NEURL1: variants seen among roughly 807,000 people sequenced by gnomAD.
The protein encoded by NEURL1 is neuralized E3 ubiquitin protein ligase 1.
Under a neutral mutation model 41.2 loss-of-function variants are expected in NEURL1, and 26 were observed. The observed-to-expected ratio is 0.63, with a 90% CI of 0.46 to 0.87. The LOEUF is 0.87. Ranked by LOEUF, NEURL1 falls within the 40% of genes least tolerant of loss-of-function variation. The pLI is 0.00. For missense variants in NEURL1, 761 were observed against 871.1 expected, an observed-to-expected ratio of 0.87 and a Z score of 1.59; for synonymous variants, 400 against 402.3, an observed-to-expected ratio of 0.99 and a Z score of 0.07.
chr10:103,510,823 T>C (rs2034052021), intron 1 of NEURL1, among the ~76,000 whole-genome samples: 1 of 152,192 alleles, frequency 6.6e-6, no homozygotes, highest in Admixed American at 6.5e-5. Context: ...TCCATTCCAT[T>C]TGTCCTGGGC....
intron 1 of NEURL1, among the ~76,000 whole-genome samples, chr10:103,519,232 G>A (rs978767565): frequency 9.2e-5 from 14 of 152,132 alleles, no homozygotes; most frequent in Admixed American, 7.9e-4. Flanking sequence ...AGGCAACAGA[G>A]CAAGACTCTG....
At chr10:103,496,254 C>T (rs2033682709) in intron 1 of NEURL1, among the ~76,000 whole-genome samples, 1 of 152,114 alleles carries the variant, frequency 6.6e-6, no homozygotes, top group African/African-American at 2.4e-5. Flanking sequence ...AGGTGGATAA[C>T]CTAAATGCTC....
chr10:103,555,926 G>A (rs2035144223), intron 1 of NEURL1, among the ~76,000 whole-genome samples: 1 of 151,856 alleles, frequency 6.6e-6, no homozygotes, highest in Non-Finnish European at 1.5e-5. Context: ...ACCCACATGT[G>A]TGCTGAGTGT....
chr10:103,510,853 T>A (rs1189147010), intron 1 of NEURL1, among the ~76,000 whole-genome samples: 2 of 152,170 alleles, frequency 1.3e-5, no homozygotes, highest in Non-Finnish European at 2.9e-5. Flanking sequence ...TGGGAAGCCC[T>A]CTTCCTTCCC....
rs1310275921 is a variant in NEURL1, at chr10:103,584,787, G to A, written c.901G>A (p.Ala301Thr). The change falls in exon 4 of 6, where the codon GCC (alanine) becomes ACC (threonine). Residue 301 changes from alanine to threonine, a missense_variant. Coordinates refer to ENST00000369780, the MANE Select transcript of NEURL1 (RefSeq NM_004210.5). ...CGACCTGCGTTTCCACGCCCTGCGC[G>A]CCGGCGCGCACGTCCGCATCCTCGA... ...DGDLRFHALRAGAHVRILDEQ... is the reference protein window; with the variant it reads ...DGDLRFHALRTGAHVRILDEQ... The A allele has an allele frequency of 1.4e-6, 2 of 1,436,938 alleles. No individual in the cohort carries two copies. The highest frequency in any genetic ancestry group is 1.4e-5 in the South Asian group (1 of 72,470). The allele number at this position is 1,436,938 out of a possible 1,614,324, so 89.0% of individuals were successfully genotyped here.
In NEURL1 at chr10:103,591,788, C is replaced by G. The variant is rs979507534; in HGVS notation, c.*1416C>G. The G allele has an allele frequency of 1.3e-5, 2 of 152,230 alleles. No homozygotes were observed. Among genetic ancestry groups the G allele is most frequent in the African/African-American group, 4.8e-5 (2 of 41,440 alleles). 9.4% of individuals were successfully genotyped at this position (152,230 alleles called of 1,614,324 possible). A position where few individuals can be genotyped will look rare whatever the true frequency, so the allele number is the denominator to read the frequency against. ...TCAGGTGGCCCAGGAGGTCCCCCCT[C>G]CATAAGGACGTCAAACTTCCAGGAG... On this transcript the variant is annotated 3_prime_UTR_variant, in exon 6 of 6. Transcript: ENST00000369780.
intron 1 of NEURL1, among the ~76,000 whole-genome samples, chr10:103,518,514 C>CA (rs1260948284): frequency 5.9e-5 from 9 of 152,134 alleles, no homozygotes; most frequent in African/African-American, 2.2e-4. Flanking sequence ...TTTTAAAACC[C>CA]AAAAACATGA....
At position 103,494,298 on chromosome 10, in the gene NEURL1, A is replaced by C. The variant is rs2133840002; in HGVS notation, c.-90A>C. 3.7e-6 allele frequency: 4 copies of C among 1,070,438 alleles called. No homozygotes were observed. The highest frequency in any genetic ancestry group is 3.1e-5 in the East Asian group (1 of 32,142). The allele number at this position is 1,070,438 out of a possible 1,614,324, so 66.3% of individuals were successfully genotyped here. On this transcript the variant is annotated 5_prime_UTR_variant, in exon 1 of 6. Coordinates refer to ENST00000369780, the MANE Select transcript of NEURL1 (RefSeq NM_004210.5). ...GCAGGGCCCTCCCCCGGTGGCGCGC[A>C]CCCGCGCGCGCACACTCGCACACCG...
At chr10:103,579,553 C>A (rs1360258248) in intron 3 of NEURL1, among the ~76,000 whole-genome samples, 1 of 152,136 alleles carries the variant, frequency 6.6e-6, no homozygotes, top group African/African-American at 2.4e-5. Flanking sequence ...GAGAGATTGG[C>A]AGGGATAAAT....
At chr10:103,531,484 C>A (rs1217145585) in intron 1 of NEURL1, among the ~76,000 whole-genome samples, 1 of 144,486 alleles carries the variant, frequency 6.9e-6, no homozygotes, top group Non-Finnish European at 1.5e-5. Context: ...AAGCTACCCT[C>A]CTGCTGTGGC....
Position 103,494,250 on chromosome 10 carries a change from G to T in NEURL1, c.-138G>T, listed in dbSNP as rs1305404000. On this transcript the variant is annotated 5_prime_UTR_variant, in exon 1 of 6. Transcript: ENST00000369780. ...GAGAAAGGAAGCTGAGGAGCTGCCCGCCCGCCCCCGGCTGCAGCCCCAGCA... is the reference window on the plus strand; with the variant it reads ...GAGAAAGGAAGCTGAGGAGCTGCCCTCCCGCCCCCGGCTGCAGCCCCAGCA... 4.9e-6 allele frequency: 3 copies of T among 617,460 alleles called. No individual in the cohort carries two copies. The highest frequency in any genetic ancestry group is 2.0e-5 in the African/African-American group (1 of 50,260). 38.2% of individuals were successfully genotyped at this position (617,460 alleles called of 1,614,324 possible).
At chr10:103,539,971 T>C (rs938727591) in intron 1 of NEURL1, among the ~76,000 whole-genome samples, 1 of 152,174 alleles carries the variant, frequency 6.6e-6, no homozygotes, top group African/African-American at 2.4e-5. Context: ...AACCTTGCAA[T>C]GTTATGTGGA....
intron 4 of NEURL1, chr10:103,588,647 T>G: frequency 5.3e-6 from 2 of 375,512 alleles, no homozygotes; most frequent in Non-Finnish European, 5.3e-6. Flanking sequence ...AGGCGAGGAT[T>G]GTTAAAAAGG....
chr10:103,496,916 G>A (rs2033698807), intron 1 of NEURL1, among the ~76,000 whole-genome samples: 1 of 152,114 alleles, frequency 6.6e-6, no homozygotes, highest in East Asian at 1.9e-4. Context: ...TTGGAATTGT[G>A]GGGATCTGAG....
rs2986053 is a variant in NEURL1, at chr10:103,508,299, T to C, written c.85+13827T>C. Among the ~76,000 whole-genome samples, 77,983 of 152,092 alleles carry C rather than the reference T, an allele frequency of 0.51. 21,152 individuals are homozygous for C. The highest frequency in any genetic ancestry group is 0.68 in the African/African-American group (28,400 of 41,478). ...CACTGAGTCCGAATTGCCACAGGAC[T>C]GTGAAAGTCCGATCTTCCAAATCTC... On this transcript the variant is annotated intron_variant, in intron 1 of 5. Coordinates refer to ENST00000369780, the MANE Select transcript of NEURL1 (RefSeq NM_004210.5). The surrounding 1 kb of genome is among the most constrained non-coding windows in gnomAD (Gnocchi z 4.3).
intron 1 of NEURL1, among the ~76,000 whole-genome samples, chr10:103,516,639 C>T (rs1416023180): frequency 6.6e-6 from 1 of 152,070 alleles, no homozygotes; most frequent in East Asian, 1.9e-4. Flanking sequence ...CAAGGAGAAT[C>T]AGGAAAGGTC....
At chr10:103,570,684 C>T (rs2035520672) in intron 1 of NEURL1, among the ~76,000 whole-genome samples, 188 bp from the exon 2 acceptor site, 1 of 151,774 alleles carries the variant, frequency 6.6e-6, no homozygotes, top group African/African-American at 2.4e-5. Flanking sequence ...AGCATGGTGG[C>T]AGATGGTGGA....
intron 1 of NEURL1, among the ~76,000 whole-genome samples, chr10:103,552,369 C>G (rs1236586323): frequency 6.6e-6 from 1 of 152,188 alleles, no homozygotes; most frequent in Non-Finnish European, 1.5e-5. Flanking sequence ...TCCTGAGGCT[C>G]CTCCTGCTCA....
intron 1 of NEURL1, among the ~76,000 whole-genome samples, chr10:103,569,885 T>C (rs1330969696): frequency 6.6e-6 from 1 of 152,154 alleles, no homozygotes; most frequent in East Asian, 1.9e-4. Context: ...CTGGGGCCTC[T>C]GGAGAAGCGG....
Sources: allele counts gnomAD v4.1 joint callset (sites outside exome capture counted in the v4.1 genomes callset), GRCh38; gene constraint gnomAD v4.1.1; non-coding constraint Gnocchi (gnomAD v3.1); transcripts MANE v1.5; gene names NCBI Gene and HGNC (gene_info 2026-07-23, HGNC 2026-07-21).